Variants in NRG1 observed in about 807,000 individuals in gnomAD.
NRG1 encodes the protein neuregulin 1.
NRG1 carries 18 observed loss-of-function variants against 63.8 expected under a neutral mutation model. The ratio of observed to expected loss-of-function variants is 0.28; its 90% CI spans 0.19 to 0.42. The LOEUF (loss-of-function observed/expected upper bound fraction) is 0.42. Ranked by LOEUF, NRG1 falls within the 10% of genes least tolerant of loss-of-function variation. The probability of loss-of-function intolerance (pLI) is 1.00; values close to 1 mark genes in which losing one functional copy is unlikely to be tolerated. For missense variants in NRG1, 762 were observed against 814.7 expected (o/e 0.94, Z 0.79); for synonymous variants, 302 against 301.3 (o/e 1.00, Z -0.02).
chr8:31,927,677 T>G (rs1834492042), intron 1 of NRG1, among the ~76,000 whole-genome samples: 3 of 149,174 alleles, frequency 2.0e-5, no homozygotes, highest in Admixed American at 2.0e-4. Context: ...CTCGATCTCC[T>G]GACCTCGTGA....
chr8:31,982,608 G>A (rs1809332684), intron 1 of NRG1, among the ~76,000 whole-genome samples: 1 of 152,000 alleles, frequency 6.6e-6, no homozygotes, highest in Non-Finnish European at 1.5e-5. Context: ...ACTCGGGAGA[G>A]GCAGGTAGGG....
chr8:31,897,524 C>T (rs934807301), intron 1 of NRG1, among the ~76,000 whole-genome samples: 2 of 152,148 alleles, frequency 1.3e-5, no homozygotes, highest in Non-Finnish European at 2.9e-5. Flanking sequence ...CTTTTCCAGG[C>T]CTCTTTCCTG....
chr8:32,524,914 C>A (rs758494590), intron 1 of NRG1, among the ~76,000 whole-genome samples: 10 of 152,328 alleles, frequency 6.6e-5, no homozygotes, highest in African/African-American at 2.4e-4. Flanking sequence ...CACAGCCCTT[C>A]AAATTTATCA....
chr8:32,464,113 C>G (rs941062840), intron 1 of NRG1, among the ~76,000 whole-genome samples: 1 of 151,482 alleles, frequency 6.6e-6, no homozygotes, highest in Non-Finnish European at 1.5e-5. Context: ...CCAGGATGGT[C>G]TCGATCTCCT....
At chr8:31,924,894 T>C (rs937425656) in intron 1 of NRG1, among the ~76,000 whole-genome samples, 5 of 151,586 alleles carry the variant, frequency 3.3e-5, no homozygotes, top group Non-Finnish European at 5.9e-5. Context: ...TAAATTTAAA[T>C]GATTTGAAGA....
chr8:32,612,998 G>A (rs757361993), intron 3 of NRG1, among the ~76,000 whole-genome samples: 6 of 151,976 alleles, frequency 3.9e-5, no homozygotes, highest in Non-Finnish European at 7.4e-5. Context: ...ATTTTCTGCA[G>A]CCCAAATCAA....
chr8:31,894,924 G>C (rs550084489), intron 1 of NRG1, among the ~76,000 whole-genome samples: 1 of 150,220 alleles, frequency 6.7e-6, no homozygotes, highest in African/African-American at 2.4e-5. Context: ...TTGCAATCAG[G>C]AAAAAAAAAG....
At chr8:32,462,985 C>T (rs71512631) in intron 1 of NRG1, among the ~76,000 whole-genome samples, 8,009 of 152,026 alleles carry the variant, frequency 0.053, 283 homozygotes, top group Middle Eastern at 0.085. Context: ...CCCTGGTAAC[C>T]ACCATTCTAC....
intron 1 of NRG1, among the ~76,000 whole-genome samples, chr8:31,957,995 C>T (rs1251114957): frequency 6.6e-6 from 1 of 151,896 alleles, no homozygotes; most frequent in Non-Finnish European, 1.5e-5. Flanking sequence ...AAATCTGTAT[C>T]CTCTCTGCCA....
intron 1 of NRG1, among the ~76,000 whole-genome samples, chr8:32,259,858 C>T (rs77342892): frequency 1.3e-5 from 2 of 151,998 alleles, no homozygotes; most frequent in Non-Finnish European, 2.9e-5. Flanking sequence ...TTCTTTACAC[C>T]TCTCTCCTTT....
chr8:32,323,201 T>TA lies in NRG1; in HGVS notation c.38-272627_38-272626insA, dbSNP rs1364862078. Among the ~76,000 whole-genome samples the TA allele has an allele frequency of 1.1e-4, 17 of 152,274 alleles. No homozygotes were observed. The Middle Eastern group carries it at 0.01, about 91-fold the overall frequency. On this transcript the variant is annotated intron_variant, in intron 1 of 10. Transcript: ENST00000519301. ...TCATTCATTGTTCTCCACACTCTAC[T>TA]CCACACCTCCCCTCACCCTGCAATC...
At chr8:32,593,309 T>A (rs901224043) in intron 1 of NRG1, among the ~76,000 whole-genome samples, 5 of 152,178 alleles carry the variant, frequency 3.3e-5, no homozygotes, top group Admixed American at 6.5e-5. Flanking sequence ...TGTATTTTTT[T>A]AATATGTGTA....
intron 5 of NRG1, among the ~76,000 whole-genome samples, chr8:32,657,160 A>C (rs981925174): frequency 1.3e-5 from 2 of 151,778 alleles, no homozygotes; most frequent in Non-Finnish European, 2.9e-5. Context: ...GAAGACAATG[A>C]TAGTTGCCAT....
At chr8:32,430,042 C>T (rs1817934590) in intron 1 of NRG1, among the ~76,000 whole-genome samples, 1 of 152,138 alleles carries the variant, frequency 6.6e-6, no homozygotes, top group African/African-American at 2.4e-5. Flanking sequence ...AAGGAAGTTG[C>T]TTAGTAACAT....
intron 1 of NRG1, among the ~76,000 whole-genome samples, chr8:32,066,550 T>TCTGTTTTGGTACCAGTACCATG: frequency 6.6e-6 from 1 of 152,114 alleles, no homozygotes; most frequent in African/African-American, 2.4e-5. Flanking sequence ...GGTCTATATC[T>TCTGTTTTGGTACCAGTACCATG]CTGTTTTGGT....
chr8:31,811,716 AATT>A (rs1822906195), intron 1 of NRG1, among the ~76,000 whole-genome samples: 1 of 152,150 alleles, frequency 6.6e-6, no homozygotes, highest in South Asian at 2.1e-4. Context: ...TTTGATCAGA[AATT>A]ATTATGAAAA....
chr8:31,749,612 T>C (rs1262692091), intron 1 of NRG1, among the ~76,000 whole-genome samples: 1 of 151,828 alleles, frequency 6.6e-6, no homozygotes, highest in Admixed American at 6.6e-5. Flanking sequence ...TTTTGTGCTT[T>C]CTATTTAAAA....
At chr8:31,924,350 CA>C (rs5890605) in intron 1 of NRG1, among the ~76,000 whole-genome samples, 128,790 of 145,784 alleles carry the variant, frequency 0.88, 57,362 homozygotes, top group African/African-American at 0.92. Context: ...GACTCCATCT[CA>C]AAAAAAAAAA....
At chr8:31,817,006 A>T (rs772803998) in intron 1 of NRG1, among the ~76,000 whole-genome samples, 2 of 152,226 alleles carry the variant, frequency 1.3e-5, no homozygotes, top group Non-Finnish European at 2.9e-5. Context: ...TAAAATTGAA[A>T]TGTCCCTCAT....
Sources: allele counts gnomAD v4.1 joint callset (sites outside exome capture counted in the v4.1 genomes callset), GRCh38; gene constraint gnomAD v4.1.1; transcripts MANE v1.5; gene names NCBI Gene and HGNC (gene_info 2026-07-23, HGNC 2026-07-21).